The following CES5A variants were observed in gnomAD, a reference collection of about 807,000 sequenced individuals.
CES5A encodes the protein carboxylesterase 5.
In CES5A, 67 loss-of-function variants were observed where a neutral mutation model predicts 62.9. The observed-to-expected ratio is 1.07, with a 90% CI of 0.88 to 1.31. The LOEUF is 1.31. Ranked by LOEUF, CES5A falls within the 50% of genes most tolerant of loss-of-function variation. CES5A has a pLI of 0.00. For missense variants in CES5A, 748 were observed against 708.5 expected, an observed-to-expected ratio of 1.06 and a Z score of -0.63; for synonymous variants, 296 against 280.8, an observed-to-expected ratio of 1.05 and a Z score of -0.54.
chr16:55,885,877 G>A (rs1243466199), intron 1 of CES5A, among the ~76,000 whole-genome samples: 2 of 152,194 alleles, frequency 1.3e-5, no homozygotes, highest in Non-Finnish European at 2.9e-5. Context: ...AGTATTTTCA[G>A]ATCCAGCAAC....
chr16:55,859,553 C>T lies in CES5A; in HGVS notation c.1050G>A (p.Leu350=), dbSNP rs373220775. The T allele has an allele frequency of 6.2e-7, 1 of 1,611,802 alleles. No homozygotes were observed. The highest frequency in any genetic ancestry group is 2.2e-5 in the East Asian group (1 of 44,876). ...GGACAGCCAGAATTCTTACCATAGG[C>T]AGCAGGAAGCCACACTCGTGGTTAT... ...GVNNHECGFL[L]PMKEAPEILS... is the part of the protein sequence containing the mutation. The change falls in exon 8 of 13, where the codon CTG becomes CTA. Residue 350 remains leucine (L), a synonymous_variant. Coordinates refer to ENST00000290567, the MANE Select transcript of CES5A (RefSeq NM_001143685.2).
At position 55,869,647 on chromosome 16, in the gene CES5A, A is replaced by G; in HGVS notation, c.515T>C (p.Val172Ala). Reference protein sequence around the residue: ...LAAYEDVLVVVVQYRLGIFGF... With the variant: ...LAAYEDVLVVAVQYRLGIFGF... ...AAATATTCCTAGCCGGTACTGGACG[A>G]CCACAACCAGCACGTCCTCATAGGC... The change falls in exon 4 of 13, where the codon GTC (valine) becomes GCC (alanine). Residue 172 changes from valine to alanine, a missense_variant. Transcript: ENST00000290567. The G allele has an allele frequency of 1.2e-6, 2 of 1,613,852 alleles. No individual in the cohort carries two copies. The highest frequency in any genetic ancestry group is 1.7e-6 in the Non-Finnish European group (2 of 1,179,938).
At chr16:55,928,181 T>C (rs13380540), upstream of CES5A, among the ~76,000 whole-genome samples, 9,875 of 151,848 alleles carry the variant, frequency 0.065, 686 homozygotes, top group East Asian at 0.26. Flanking sequence ...AGGTGGAGCT[T>C]GCAGTGAGCC....
At chr16:55,892,330 G>C (rs1567343352) in intron 1 of CES5A, among the ~76,000 whole-genome samples, 2 of 152,114 alleles carry the variant, frequency 1.3e-5, no homozygotes, top group Non-Finnish European at 2.9e-5. Flanking sequence ...AAATGTGTTT[G>C]ATCAGTGTCT....
Position 55,869,839 on chromosome 16 carries a change from T to A in CES5A, c.418-95A>T, listed in dbSNP as rs568884687. On this transcript the variant is annotated intron_variant, in intron 3 of 12. Transcript: ENST00000290567. Reference sequence around the variant, plus strand: ...ACACGTTCTTAAGGTGAAATATAAATGTCCCACTTGCTAAGCAGGGTGCGA... The same window carrying A: ...ACACGTTCTTAAGGTGAAATATAAAAGTCCCACTTGCTAAGCAGGGTGCGA... 1.4e-5 allele frequency: 21 copies of A among 1,456,108 alleles called. No individual in the cohort carries two copies. In the East Asian group the frequency reaches 4.6e-4, roughly 32 times the overall value. The allele number at this position is 1,456,108 out of a possible 1,614,324, so 90.2% of individuals were successfully genotyped here.
chr16:55,864,169 G>A (rs1165590856), intron 5 of CES5A, among the ~76,000 whole-genome samples: 2 of 152,258 alleles, frequency 1.3e-5, no homozygotes, highest in Admixed American at 1.3e-4. Flanking sequence ...CTTCACAGAG[G>A]TTCTGGTCAA....
chr16:55,847,291 C>T (rs1194014837), intron 11 of CES5A, among the ~76,000 whole-genome samples: 4 of 149,042 alleles, frequency 2.7e-5, no homozygotes, highest in African/African-American at 1.0e-4. Context: ...TCTCTCTCTT[C>T]CTTCTTTCTC....
intron 1 of CES5A, among the ~76,000 whole-genome samples, chr16:55,899,598 G>C (rs2033969661): frequency 6.6e-6 from 1 of 152,164 alleles, no homozygotes; most frequent in Non-Finnish European, 1.5e-5. Flanking sequence ...TCCTTCCATG[G>C]ACCTTCAAAG....
chr16:55,902,200 A>G (rs1209352630), intron 1 of CES5A, among the ~76,000 whole-genome samples: 2 of 152,138 alleles, frequency 1.3e-5, no homozygotes, highest in Non-Finnish European at 2.9e-5. Flanking sequence ...AGGGGATGAG[A>G]AATGCGAACA....
At chr16:55,883,141 C>G (rs910332207) in intron 1 of CES5A, among the ~76,000 whole-genome samples, 1 of 152,180 alleles carries the variant, frequency 6.6e-6, no homozygotes, top group East Asian at 1.9e-4. Context: ...TCAGAGTTAC[C>G]GCTTGGTTGA....
chr16:55,888,720 T>A (rs2033842238), intron 1 of CES5A, among the ~76,000 whole-genome samples: 1 of 152,370 alleles, frequency 6.6e-6, no homozygotes. Context: ...CATGTCACAT[T>A]GAATCTTCAC....
At chr16:55,919,807 A>G (rs758763382) in intron 1 of CES5A, among the ~76,000 whole-genome samples, 4 of 152,238 alleles carry the variant, frequency 2.6e-5, no homozygotes, top group Non-Finnish European at 5.9e-5. Context: ...GGAAATAATC[A>G]TAGCTGGCAC....
chr16:55,855,743 G>A (rs781254757), intron 9 of CES5A, among the ~76,000 whole-genome samples: 1 of 152,190 alleles, frequency 6.6e-6, no homozygotes, highest in Non-Finnish European at 1.5e-5. Context: ...CGGCTGCTGG[G>A]TGGGTTACAA....
At chr16:55,945,832 T>C (rs1346811883) in intron 2 of CES5A, among the ~76,000 whole-genome samples, 1 of 152,110 alleles carries the variant, frequency 6.6e-6, no homozygotes, top group Admixed American at 6.5e-5. Flanking sequence ...GCCCAGATGA[T>C]CTTAGCAATT....
At chr16:55,914,761 T>C (rs1033305244) in intron 1 of CES5A, among the ~76,000 whole-genome samples, 1 of 152,180 alleles carries the variant, frequency 6.6e-6, no homozygotes, top group Non-Finnish European at 1.5e-5. Flanking sequence ...CTTTAGAATG[T>C]GGGATCCTGG....
intron 9 of CES5A, among the ~76,000 whole-genome samples, chr16:55,855,511 C>A (rs2033222434): frequency 1.3e-5 from 2 of 152,136 alleles, no homozygotes; most frequent in African/African-American, 4.8e-5. Flanking sequence ...GAATACAGAT[C>A]CCCAGTCCCA....
chr16:55,870,407 G>C (rs2033558824), intron 3 of CES5A, among the ~76,000 whole-genome samples: 1 of 151,934 alleles, frequency 6.6e-6, no homozygotes, highest in Non-Finnish European at 1.5e-5. Flanking sequence ...AGAAGGAAGA[G>C]AAAGAGGAAG....
At chr16:55,865,207 A>C (rs2033431720) in intron 5 of CES5A, among the ~76,000 whole-genome samples, 2 of 152,200 alleles carry the variant, frequency 1.3e-5, no homozygotes. Flanking sequence ...ACTCCATCTC[A>C]AAACAAAACA....
At chr16:55,920,631 A>G (rs2034194889) in intron 1 of CES5A, among the ~76,000 whole-genome samples, 1 of 152,240 alleles carries the variant, frequency 6.6e-6, no homozygotes, top group African/African-American at 2.4e-5. Context: ...AGAATCTCTA[A>G]ACAAATACAT....
Sources: allele counts gnomAD v4.1 joint callset (sites outside exome capture counted in the v4.1 genomes callset), GRCh38; gene constraint gnomAD v4.1.1; transcripts MANE v1.5; gene names NCBI Gene and HGNC (gene_info 2026-07-23, HGNC 2026-07-21).